SMC5: variants seen among roughly 807,000 people sequenced by gnomAD.
The protein encoded by SMC5 is structural maintenance of chromosomes protein 5.
In SMC5, 88 loss-of-function variants were observed where a neutral mutation model predicts 148.3. That is an observed-to-expected ratio of 0.59 (90% CI 0.50 to 0.71). The LOEUF (loss-of-function observed/expected upper bound fraction) is 0.71, where lower values mean the gene tolerates loss of function less well. Ranked by LOEUF, SMC5 falls within the 30% of genes least tolerant of loss-of-function variation. The probability of loss-of-function intolerance (pLI) is 0.00; values close to 1 mark genes in which losing one functional copy is unlikely to be tolerated. For synonymous variants in SMC5, 421 were observed against 432.8 expected, an observed-to-expected ratio of 0.97 and a Z score of 0.34; for missense variants, 1,142 against 1,298.9, an observed-to-expected ratio of 0.88 and a Z score of 1.86.
intron 18 of SMC5, among the ~76,000 whole-genome samples, chr9:70,345,165 G>T (rs569998703): frequency 9.1e-6 from 1 of 110,074 alleles, no homozygotes; most frequent in Admixed American, 1.1e-4. Flanking sequence ...ATAAATATAA[G>T]TACAATCTAC....
At chr9:70,284,967 T>C (rs2118220531) in intron 7 of SMC5, among the ~76,000 whole-genome samples, 1 of 152,236 alleles carries the variant, frequency 6.6e-6, no homozygotes, top group African/African-American at 2.4e-5. Flanking sequence ...AGACCTGTAT[T>C]TTAAATCCTC....
At chr9:70,319,848 A>C (rs1001547326) in intron 15 of SMC5, among the ~76,000 whole-genome samples, 1 of 152,236 alleles carries the variant, frequency 6.6e-6, no homozygotes, top group East Asian at 1.9e-4. Context: ...TATTTTTAAA[A>C]GATCACATTG....
chr9:70,269,206 A>G (rs565765199), intron 3 of SMC5, among the ~76,000 whole-genome samples: 98 of 152,294 alleles, frequency 6.4e-4, no homozygotes, highest in Middle Eastern at 6.8e-3. Flanking sequence ...AATATGATAG[A>G]ATTTTGTTGA....
chr9:70,313,337 CAT>C, intron 11 of SMC5, among the ~76,000 whole-genome samples: 1 of 152,126 alleles, frequency 6.6e-6, no homozygotes, highest in East Asian at 1.9e-4. Flanking sequence ...AGTAATAAAC[CAT>C]AGTTTTCTTG....
chr9:70,270,233 C>T (rs2034407334), intron 3 of SMC5, among the ~76,000 whole-genome samples: 1 of 152,110 alleles, frequency 6.6e-6, no homozygotes, highest in African/African-American at 2.4e-5. Flanking sequence ...TAGGTTTACC[C>T]ATGTATTATA....
chr9:70,322,573 C>T (rs190368196), intron 15 of SMC5, among the ~76,000 whole-genome samples: 6 of 152,256 alleles, frequency 3.9e-5, no homozygotes, highest in East Asian at 1.9e-4. Context: ...CGGTGGCTCA[C>T]GCCTGTAATC....
chr9:70,339,428 C>CAA (rs796734731), intron 17 of SMC5, among the ~76,000 whole-genome samples: 55 of 76,626 alleles, frequency 7.2e-4, no homozygotes, highest in Admixed American at 6.9e-3. Context: ...GACTCCGTCT[C>CAA]AAAAAAAAAA....
intron 8 of SMC5, among the ~76,000 whole-genome samples, chr9:70,292,493 T>C (rs1428114021): frequency 6.6e-6 from 1 of 152,200 alleles, no homozygotes; most frequent in Non-Finnish European, 1.5e-5. Flanking sequence ...TTGTATGCAC[T>C]TAGTTTTCTT....
At position 70,348,049 on chromosome 9, in the gene SMC5, A is replaced by G. The variant is rs763476595; in HGVS notation, c.2889+11A>G. 6.4e-7 allele frequency: 1 copy of G among 1,551,062 alleles called. No individual in the cohort carries two copies. Among genetic ancestry groups the G allele is most frequent in the Non-Finnish European group, 8.7e-7 (1 of 1,155,320 alleles). On this transcript the variant is annotated intron_variant, in intron 22 of 24. Coordinates refer to ENST00000361138, the MANE Select transcript of SMC5 (RefSeq NM_015110.4). ...CATACAGAAAATGAGGTAAAATTGC[A>G]TTTGAAATAAATAATATTTCTGGCA... is the stretch of plus-strand genomic sequence containing the variant.
chr9:70,340,108 C>T (rs1343150596), intron 17 of SMC5, among the ~76,000 whole-genome samples: 1 of 151,942 alleles, frequency 6.6e-6, no homozygotes, highest in Non-Finnish European at 1.5e-5. Flanking sequence ...TAGCATGAAG[C>T]CAGTGTTTCC....
At chr9:70,263,685 A>G (rs745994832) in intron 1 of SMC5, among the ~76,000 whole-genome samples, 6 of 152,164 alleles carry the variant, frequency 3.9e-5, no homozygotes, top group Non-Finnish European at 5.9e-5. Flanking sequence ...GTGTCTCTCT[A>G]TGATGCCTAG....
At chr9:70,337,087 A>G (rs1354952553) in intron 17 of SMC5, among the ~76,000 whole-genome samples, 1 of 152,162 alleles carries the variant, frequency 6.6e-6, no homozygotes, top group African/African-American at 2.4e-5. Flanking sequence ...ACCTGCCCCC[A>G]TGATTCAGTT....
chr9:70,323,357 GGGCCA>G (rs2035995780), intron 15 of SMC5, 121 bp from the exon 16 acceptor site: 1 of 841,018 alleles, frequency 1.2e-6, no homozygotes, highest in East Asian at 2.8e-5. Flanking sequence ...GATCGGTTAT[GGGCCA>G]GGCACTATAT....
At chr9:70,307,122 G>A (rs2118490288) in intron 11 of SMC5, among the ~76,000 whole-genome samples, 1 of 152,306 alleles carries the variant, frequency 6.6e-6, no homozygotes, top group South Asian at 2.1e-4. Context: ...GCCAGGCATG[G>A]TGGTTCATGC....
intron 5 of SMC5, among the ~76,000 whole-genome samples, chr9:70,280,428 G>T (rs574934657): frequency 6.6e-6 from 1 of 152,228 alleles, no homozygotes; most frequent in East Asian, 1.9e-4. Flanking sequence ...TTTATATTAA[G>T]TGAATTGCTT....
chr9:70,297,059 C>T (rs66756859), intron 8 of SMC5, among the ~76,000 whole-genome samples: 2 of 152,044 alleles, frequency 1.3e-5, no homozygotes. Flanking sequence ...ATCCAAAATA[C>T]TTGGGACCAG....
chr9:70,308,778 T>C (rs2035578478), intron 11 of SMC5, among the ~76,000 whole-genome samples: 1 of 152,102 alleles, frequency 6.6e-6, no homozygotes, highest in African/African-American at 2.4e-5. Context: ...TACACTATCA[T>C]AAATGGATTT....
intron 3 of SMC5, among the ~76,000 whole-genome samples, chr9:70,272,231 C>G (rs971489130): frequency 1.3e-5 from 2 of 152,192 alleles, no homozygotes; most frequent in Non-Finnish European, 2.9e-5. Context: ...GGTAGACAGA[C>G]CTACTGCAGA....
intron 3 of SMC5, among the ~76,000 whole-genome samples, chr9:70,274,788 T>G (rs1483267437): frequency 6.6e-6 from 1 of 152,134 alleles, no homozygotes; most frequent in Non-Finnish European, 1.5e-5. Flanking sequence ...GTATACTTGC[T>G]GGAGTCCAGA....
Sources: gnomAD v4.1 joint callset for allele counts (sites outside exome capture counted in the v4.1 genomes callset) on GRCh38, gnomAD v4.1.1 for gene constraint, MANE v1.5 for transcripts, NCBI Gene and HGNC (gene_info 2026-07-23, HGNC 2026-07-21) for gene names.